DENND1A: variants seen among roughly 807,000 people sequenced by gnomAD.
DENND1A encodes DENN domain-containing protein 1A.
Under a neutral mutation model 113.7 loss-of-function variants are expected in DENND1A, and 51 were observed. That is an observed-to-expected ratio of 0.45 (90% confidence interval 0.36 to 0.57). The LOEUF is 0.57. Ranked by LOEUF, DENND1A falls within the 20% of genes least tolerant of loss-of-function variation. The probability of loss-of-function intolerance (pLI) is 0.00; values close to 1 mark genes in which losing one functional copy is unlikely to be tolerated. For missense variants in DENND1A, 1,258 were observed against 1,395.9 expected (o/e 0.90, Z 1.57); for synonymous variants, 565 against 570.8 (o/e 0.99, Z 0.14).
intron 13 of DENND1A, among the ~76,000 whole-genome samples, chr9:123,461,596 T>G (rs1264509852): frequency 6.6e-6 from 1 of 152,198 alleles, no homozygotes; most frequent in Non-Finnish European, 1.5e-5. Flanking sequence ...AGAAGTCTGC[T>G]GAGGGCCCGA....
intron 13 of DENND1A, among the ~76,000 whole-genome samples, chr9:123,464,994 C>CAAAAAAAAAAAAAAAAAAAAA (rs10655282): frequency 1.4e-5 from 1 of 70,572 alleles, no homozygotes; most frequent in Non-Finnish European, 2.5e-5. Context: ...ACTAAAAATA[C>CAAAAAAAAAAAAAAAAAAAAA]AAAAAAAAAA....
intron 11 of DENND1A, among the ~76,000 whole-genome samples, chr9:123,606,243 C>G (rs939957464): frequency 6.6e-6 from 1 of 152,220 alleles, no homozygotes; most frequent in Non-Finnish European, 1.5e-5. Context: ...GCCCTACACA[C>G]TCAGGAAACA....
At chr9:123,882,923 T>C (rs1848525034) in intron 1 of DENND1A, among the ~76,000 whole-genome samples, 1 of 152,204 alleles carries the variant, frequency 6.6e-6, no homozygotes, top group Admixed American at 6.5e-5. Context: ...TGGCAGTCCT[T>C]AGCAATGCCT....
At chr9:123,625,210 T>C (rs75902244) in intron 10 of DENND1A, among the ~76,000 whole-genome samples, 127 of 152,302 alleles carry the variant, frequency 8.3e-4, no homozygotes, top group African/African-American at 3.1e-3. Context: ...CTAAAGCTCT[T>C]GGGGCCTTGG....
At chr9:123,794,923 C>A (rs149920451) in intron 2 of DENND1A, among the ~76,000 whole-genome samples, 175 of 151,886 alleles carry the variant, frequency 1.2e-3, no homozygotes, top group African/African-American at 4.0e-3. Flanking sequence ...ATTCCCAATA[C>A]TGCCTCAATG....
intron 18 of DENND1A, among the ~76,000 whole-genome samples, chr9:123,443,728 A>C (rs2047098290): frequency 6.6e-6 from 1 of 152,194 alleles, no homozygotes; most frequent in Admixed American, 6.5e-5. Context: ...GTCGAGGTGG[A>C]AGGATCACTT....
intron 2 of DENND1A, among the ~76,000 whole-genome samples, chr9:123,870,045 C>T (rs960368465): frequency 4.8e-5 from 7 of 146,100 alleles, no homozygotes; most frequent in Admixed American, 4.1e-4. Flanking sequence ...CCAGCCCTAA[C>T]ACTCCATAAG....
intron 2 of DENND1A, chr9:123,843,356 G>A (rs7026737): frequency 0.054 from 18,369 of 340,548 alleles, 1,074 homozygotes; most frequent in African/African-American, 0.19. Context: ...AAGAGTTGGT[G>A]TTGGAAACAT....
chr9:123,653,710 T>C (rs1417550311), intron 8 of DENND1A, among the ~76,000 whole-genome samples: 1 of 152,006 alleles, frequency 6.6e-6, no homozygotes, highest in African/African-American at 2.4e-5. Flanking sequence ...AAAACTCATA[T>C]TTGGAAAAAG....
At chr9:123,660,491 G>GA (rs2063177941) in intron 8 of DENND1A, among the ~76,000 whole-genome samples, 1 of 151,526 alleles carries the variant, frequency 6.6e-6, no homozygotes, top group Non-Finnish European at 1.5e-5. Context: ...TTGTGGTTTT[G>GA]AAAAATTAGA....
chr9:123,568,569 G>A (rs970006940), intron 12 of DENND1A, among the ~76,000 whole-genome samples: 1 of 152,146 alleles, frequency 6.6e-6, no homozygotes, highest in Non-Finnish European at 1.5e-5. Flanking sequence ...TGAGCCTAGT[G>A]GATTTACTTA....
intron 5 of DENND1A, among the ~76,000 whole-genome samples, chr9:123,689,903 G>C (rs888097739): frequency 6.6e-6 from 1 of 151,768 alleles, no homozygotes; most frequent in African/African-American, 2.4e-5. Context: ...GTGGGAAGAT[G>C]GCTTGAGTCC....
At chr9:123,760,444 T>G (rs977959404) in intron 4 of DENND1A, among the ~76,000 whole-genome samples, 1 of 152,086 alleles carries the variant, frequency 6.6e-6, no homozygotes, top group Non-Finnish European at 1.5e-5. Flanking sequence ...AGAAAATAAT[T>G]CAGAAAGAAA....
chr9:123,419,122 AT>A (rs2045007350), intron 19 of DENND1A, among the ~76,000 whole-genome samples: 1 of 152,266 alleles, frequency 6.6e-6, no homozygotes, highest in Non-Finnish European at 1.5e-5. Context: ...AGAAAATAGA[AT>A]AGTACAGATG....
At chr9:123,407,664 C>T (rs558591049) in intron 20 of DENND1A, among the ~76,000 whole-genome samples, 2 of 152,258 alleles carry the variant, frequency 1.3e-5, no homozygotes, top group South Asian at 2.1e-4. Flanking sequence ...CTGGCCCCAC[C>T]GGTGTGAGGA....
intron 8 of DENND1A, among the ~76,000 whole-genome samples, chr9:123,653,976 GT>G (rs903845138): frequency 3.3e-5 from 5 of 151,522 alleles, no homozygotes; most frequent in Non-Finnish European, 7.4e-5. Context: ...GGAGAGCCAT[GT>G]TTCAAAACTA....
chr9:123,902,813 T>C (rs1490739997), intron 1 of DENND1A, among the ~76,000 whole-genome samples: 1 of 151,040 alleles, frequency 6.6e-6, no homozygotes, highest in East Asian at 1.9e-4. Flanking sequence ...CTGTTTTTTT[T>C]TTTTTTAAAA....
At chr9:123,548,105 A>ACT (rs2056820407) in intron 13 of DENND1A, among the ~76,000 whole-genome samples, 1 of 151,988 alleles carries the variant, frequency 6.6e-6, no homozygotes, top group African/African-American at 2.4e-5. Context: ...CAAAGGCCAT[A>ACT]CTCCTTCCAT....
chr9:123,721,147 G>C (rs913905606), intron 5 of DENND1A, among the ~76,000 whole-genome samples: 4 of 152,120 alleles, frequency 2.6e-5, no homozygotes, highest in African/African-American at 9.7e-5. Context: ...CTATGCTAGA[G>C]CCAAAATGAT....
Sources: gnomAD v4.1 joint callset for allele counts (sites outside exome capture counted in the v4.1 genomes callset) on GRCh38, gnomAD v4.1.1 for gene constraint, MANE v1.5 for transcripts, NCBI Gene and HGNC (gene_info 2026-07-23, HGNC 2026-07-21) for gene names.